The following AXDND1 variants were observed in gnomAD, a reference collection of about 807,000 sequenced individuals.
The protein encoded by AXDND1 is axonemal dynein light chain domain containing 1.
A neutral mutation model predicts 137.5 loss-of-function variants in AXDND1; 110 were observed. The ratio of observed to expected loss-of-function variants is 0.80; its 90% CI spans 0.69 to 0.94. The LOEUF (loss-of-function observed/expected upper bound fraction) is 0.94, where lower values mean the gene tolerates loss of function less well. Among genes scored for constraint, AXDND1 ranks in the 40% least tolerant of loss-of-function variants. The pLI, the probability that AXDND1 is intolerant of heterozygous loss-of-function variation, is 0.00. For synonymous variants in AXDND1, 414 were observed against 399.7 expected, an observed-to-expected ratio of 1.04 and a Z score of -0.43; for missense variants, 1,191 against 1,169.8, an observed-to-expected ratio of 1.02 and a Z score of -0.26.
chr1:179,394,575 G>A (rs1650727497), intron 10 of AXDND1, among the ~76,000 whole-genome samples: 1 of 80,008 alleles, frequency 1.2e-5, no homozygotes, highest in Non-Finnish European at 3.0e-5. Context: ...GGGTGACGGA[G>A]CGAGACCCTG....
At chr1:179,387,467 G>T (rs1649404157) in intron 9 of AXDND1, among the ~76,000 whole-genome samples, 1 of 152,144 alleles carries the variant, frequency 6.6e-6, no homozygotes, top group South Asian at 2.1e-4. Flanking sequence ...CCTCCTGAAA[G>T]GTCCACCTCT....
intron 18 of AXDND1, among the ~76,000 whole-genome samples, chr1:179,488,600 TTC>T (rs1572048543): frequency 8.2e-6 from 1 of 121,756 alleles, no homozygotes; most frequent in Admixed American, 8.5e-5. Context: ...CTTTCTTTCT[TTC>T]TTTTTCTTTC....
chr1:179,490,034 G>A (rs1314522629), intron 18 of AXDND1, among the ~76,000 whole-genome samples: 2 of 152,074 alleles, frequency 1.3e-5, no homozygotes, highest in African/African-American at 4.8e-5. Flanking sequence ...GTGAGCCACC[G>A]CGCCCGGCCT....
Position 179,533,880 on chromosome 1 carries a change from A to G in AXDND1, c.2798+3A>G, listed in dbSNP as rs191369386. On this transcript the variant is annotated splice_donor_region_variant and intron_variant, in intron 24 of 25. Coordinates refer to ENST00000367618, the MANE Select transcript of AXDND1 (RefSeq NM_144696.6). ...GAACATATGCAGGAGAAGTTACTGT[A>G]AGTATGAGTCAACACAATGGTAAGA... The G allele has an allele frequency of 3.0e-3, 4,907 of 1,610,764 alleles. 11 individuals are homozygous for G. Among genetic ancestry groups the G allele is most frequent in the Middle Eastern group, 6.3e-3 (38 of 6,042 alleles).
chr1:179,405,719 T>A (rs1652856467), intron 11 of AXDND1, among the ~76,000 whole-genome samples: 1 of 152,068 alleles, frequency 6.6e-6, no homozygotes, highest in South Asian at 2.1e-4. Context: ...TTTTTGTTTG[T>A]TTGTTTGTTT....
intron 16 of AXDND1, chr1:179,456,765 C>T (rs1461276588): frequency 2.6e-6 from 2 of 782,650 alleles, no homozygotes; most frequent in East Asian, 2.4e-5. Context: ...ACCTCTTTGG[C>T]TGGATGAAGC....
At position 179,430,606 on chromosome 1, in the gene AXDND1, A is replaced by G. The variant is rs1254767825; in HGVS notation, c.1487A>G (p.Asn496Ser). 6.2e-7 allele frequency: 1 copy of G among 1,605,886 alleles called. No individual in the cohort carries two copies. The highest frequency in any genetic ancestry group is 1.8e-5 in the Admixed American group (1 of 57,140). ...DGLIKWQEFFNEKDILSPNKG... is the reference protein window; with the variant it reads ...DGLIKWQEFFSEKDILSPNKG... ...CTTATCAAATGGCAGGAGTTCTTCA[A>G]GTGAGTCACCAAGAATCTTGTTTTT... Residue 496 changes from asparagine to serine, a missense_variant and splice_region_variant, in exon 14 of 26, where the codon AAT becomes AGT. Transcript: ENST00000367618.
intron 18 of AXDND1, among the ~76,000 whole-genome samples, chr1:179,488,634 C>CTTTTCTTTCTTTCTTTCTTTCTTTCTTT (rs376189496): frequency 1.9e-5 from 2 of 105,172 alleles, no homozygotes; most frequent in African/African-American, 3.9e-5. Context: ...CTCTCTCTCT[C>CTTTTCTTTCTTTCTTTCTTTCTTTCTTT]CTTTCTTTCT....
At chr1:179,492,228 C>T (rs975365272) in intron 19 of AXDND1, among the ~76,000 whole-genome samples, 3 of 152,078 alleles carry the variant, frequency 2.0e-5, no homozygotes, top group African/African-American at 7.2e-5. Flanking sequence ...GCATGCACCA[C>T]GATGCCTGGG....
chr1:179,517,937 G>A (rs1194182924), intron 21 of AXDND1, among the ~76,000 whole-genome samples: 2 of 152,192 alleles, frequency 1.3e-5, no homozygotes, highest in African/African-American at 4.8e-5. Context: ...CTGTCCATCT[G>A]AGTTGGAGCT....
At position 179,534,638 on chromosome 1, in the gene AXDND1, C is replaced by T. The variant is rs1671339518; in HGVS notation, c.2799-92C>T. ...ATTTCTACCCTTCAGACACATTCAT[C>T]TAATCTCACTGCCTTTTTAGAAAAT... On this transcript the variant is annotated intron_variant, in intron 24 of 25. Coordinates refer to ENST00000367618, the MANE Select transcript of AXDND1 (RefSeq NM_144696.6). 4 of 1,464,486 alleles carry T rather than the reference C, an allele frequency of 2.7e-6. No homozygotes were observed. The African/African-American group carries it at 4.3e-5, about 16-fold the overall frequency. 90.7% of individuals were successfully genotyped at this position (1,464,486 alleles called of 1,614,324 possible). A position where few individuals can be genotyped will look rare whatever the true frequency, so the allele number is the denominator to read the frequency against.
chr1:179,404,128 A>G (rs1174307771), intron 11 of AXDND1, among the ~76,000 whole-genome samples: 1 of 152,000 alleles, frequency 6.6e-6, no homozygotes, highest in East Asian at 1.9e-4. Flanking sequence ...AAAATAGACC[A>G]GTATCTACGT....
chr1:179,496,186 CTTTG>C (rs1220032981), intron 20 of AXDND1, among the ~76,000 whole-genome samples: 15 of 151,898 alleles, frequency 9.9e-5, no homozygotes, highest in African/African-American at 3.4e-4. Flanking sequence ...TTTGTAATAT[CTTTG>C]TTTGGTTTTG....
At chr1:179,381,276 A>G (rs536738636) in intron 6 of AXDND1, among the ~76,000 whole-genome samples, 1 of 151,396 alleles carries the variant, frequency 6.6e-6, no homozygotes, top group African/African-American at 2.4e-5. Flanking sequence ...TCCTGACCTC[A>G]GGTGATCTGC....
chr1:179,461,412 A>C (rs138794916), intron 16 of AXDND1, among the ~76,000 whole-genome samples: 34,465 of 150,788 alleles, frequency 0.23, 4,318 homozygotes, highest in East Asian at 0.35. Flanking sequence ...TGGTCTATAT[A>C]TCTGTTTTGA....
intron 25 of AXDND1, among the ~76,000 whole-genome samples, chr1:179,539,451 C>T (rs1364584324): frequency 6.6e-6 from 1 of 152,164 alleles, no homozygotes; most frequent in Non-Finnish European, 1.5e-5. Flanking sequence ...ACTTATGAAG[C>T]TTAGTTTGGC....
intron 12 of AXDND1, among the ~76,000 whole-genome samples, chr1:179,411,671 CTT>C (rs11298764): frequency 8.8e-5 from 13 of 148,520 alleles, no homozygotes; most frequent in South Asian, 2.1e-4. Context: ...AATTAAGGGT[CTT>C]TTTTTTTTTA....
chr1:179,510,063 C>T (rs571266380), intron 21 of AXDND1, among the ~76,000 whole-genome samples: 2 of 152,312 alleles, frequency 1.3e-5, no homozygotes, highest in South Asian at 4.1e-4. Flanking sequence ...TAACCATTCA[C>T]TCCTTTTACA....
intron 12 of AXDND1, among the ~76,000 whole-genome samples, chr1:179,424,518 C>T (rs1243997344): frequency 6.6e-6 from 1 of 151,286 alleles, no homozygotes; most frequent in Non-Finnish European, 1.5e-5. Context: ...ACCTCTGCCT[C>T]CCGGGTTCAA....
Sources: allele counts gnomAD v4.1 joint callset (sites outside exome capture counted in the v4.1 genomes callset), GRCh38; gene constraint gnomAD v4.1.1; transcripts MANE v1.5; gene names NCBI Gene and HGNC (gene_info 2026-07-23, HGNC 2026-07-21).